MGAT4C: variants seen among roughly 807,000 people sequenced by gnomAD.
The protein encoded by MGAT4C is alpha-1,3-mannosyl-glycoprotein 4-beta-N-acetylglucosaminyltransferase C.
Under a neutral mutation model 40.1 loss-of-function variants are expected in MGAT4C, and 19 were observed. That is an observed-to-expected ratio of 0.47 (90% CI 0.33 to 0.70). The LOEUF is 0.70. Among genes scored for constraint, MGAT4C ranks in the 30% least tolerant of loss-of-function variants. The pLI, the probability that MGAT4C is intolerant of heterozygous loss-of-function variation, is 0.02. For synonymous variants in MGAT4C, 181 were observed against 187.1 expected (o/e 0.97, Z 0.27); for missense variants, 491 against 563.2 (o/e 0.87, Z 1.30).
chr12:86,707,165 G>C (rs1950472952), intron 2 of MGAT4C, among the ~76,000 whole-genome samples: 1 of 152,168 alleles, frequency 6.6e-6, no homozygotes, highest in South Asian at 2.1e-4. Context: ...ATTGGTACCA[G>C]TAAAGTGGGA....
chr12:86,715,547 T>C (rs1950631484), intron 2 of MGAT4C, among the ~76,000 whole-genome samples: 1 of 152,146 alleles, frequency 6.6e-6, no homozygotes, highest in Non-Finnish European at 1.5e-5. Context: ...TGCTCCATGT[T>C]GTGGTTTGTG....
intron 1 of MGAT4C, among the ~76,000 whole-genome samples, chr12:86,053,310 C>A (rs747754403): frequency 6.6e-6 from 1 of 151,582 alleles, no homozygotes; most frequent in Non-Finnish European, 1.5e-5. Context: ...TTGGACACTT[C>A]TAACTTAAAA....
intron 2 of MGAT4C, among the ~76,000 whole-genome samples, chr12:86,720,969 A>G (rs1456424169): frequency 6.6e-6 from 1 of 152,152 alleles, no homozygotes; most frequent in South Asian, 2.1e-4. Context: ...GCCCTTCCTC[A>G]TACTCCCACT....
intron 1 of MGAT4C, among the ~76,000 whole-genome samples, chr12:86,085,586 G>A (rs6539948): frequency 1 from 151,619 of 152,190 alleles, 75,524 homozygotes; most frequent in Middle Eastern, 1. Flanking sequence ...CCATGCTATC[G>A]TCAGAGTGAA....
chr12:86,022,710 AAAAT>A (rs1889873856), intron 2 of MGAT4C, among the ~76,000 whole-genome samples: 1 of 152,170 alleles, frequency 6.6e-6, no homozygotes, highest in Non-Finnish European at 1.5e-5. Context: ...CCCTGTCTCT[AAAAT>A]AAAATAAGTC....
intron 1 of MGAT4C, among the ~76,000 whole-genome samples, chr12:86,236,791 CAG>C (rs1407295197): frequency 6.6e-6 from 1 of 151,760 alleles, no homozygotes; most frequent in African/African-American, 2.4e-5. Flanking sequence ...CTAGAGGTAA[CAG>C]AAATAATTTA....
chr12:86,075,553 G>C (rs1390665659), intron 1 of MGAT4C, among the ~76,000 whole-genome samples: 1 of 152,152 alleles, frequency 6.6e-6, no homozygotes, highest in Non-Finnish European at 1.5e-5. Flanking sequence ...GACTCTGTGT[G>C]GGGGCTCTGA....
chr12:86,238,339 A>C (rs1437011134), intron 1 of MGAT4C, among the ~76,000 whole-genome samples: 1 of 152,018 alleles, frequency 6.6e-6, no homozygotes, highest in Non-Finnish European at 1.5e-5. Context: ...ACCATATTTT[A>C]TTTTAATCAT....
At chr12:86,827,584 A>G (rs1033698418) in intron 1 of MGAT4C, among the ~76,000 whole-genome samples, 2 of 151,418 alleles carry the variant, frequency 1.3e-5, no homozygotes, top group African/African-American at 4.8e-5. Flanking sequence ...AAAGCAAACA[A>G]TGACACTTAG....
At chr12:86,447,075 T>C (rs769368518) in intron 2 of MGAT4C, among the ~76,000 whole-genome samples, 8 of 151,994 alleles carry the variant, frequency 5.3e-5, no homozygotes, top group Non-Finnish European at 1.0e-4. Flanking sequence ...AGGAACAGTG[T>C]CCTAAATGAG....
chr12:86,004,834 G>A (rs1441837091), intron 2 of MGAT4C, among the ~76,000 whole-genome samples: 1 of 152,068 alleles, frequency 6.6e-6, no homozygotes, highest in African/African-American at 2.4e-5. Flanking sequence ...TTTTTCAGTT[G>A]CCATGGGTTC....
chr12:86,173,705 T>A (rs920248462), intron 1 of MGAT4C, among the ~76,000 whole-genome samples: 9 of 152,134 alleles, frequency 5.9e-5, no homozygotes, highest in African/African-American at 2.2e-4. Flanking sequence ...AAATTTTACA[T>A]AAATGTATGT....
chr12:86,073,722 T>A (rs1187848488), intron 1 of MGAT4C, among the ~76,000 whole-genome samples: 1 of 152,166 alleles, frequency 6.6e-6, no homozygotes. Flanking sequence ...AACAGCTGCA[T>A]TTACCCAATA....
At chr12:86,683,002 A>G (rs1157777799) in intron 2 of MGAT4C, among the ~76,000 whole-genome samples, 1 of 152,186 alleles carries the variant, frequency 6.6e-6, no homozygotes, top group Non-Finnish European at 1.5e-5. Context: ...AGTGACAGAT[A>G]TTTCACTGGA....
chr12:86,220,235 C>A (rs905769470), intron 1 of MGAT4C, among the ~76,000 whole-genome samples: 4 of 151,970 alleles, frequency 2.6e-5, no homozygotes, highest in Non-Finnish European at 1.5e-5. Flanking sequence ...GGCAGCTTTC[C>A]CAAGATCATG....
rs532578721 is a variant in MGAT4C at position 86,473,887 on chromosome 12, G to C, written c.-228-38622C>G. Among the ~76,000 whole-genome samples, 500 of 152,164 alleles carry C rather than the reference G, an allele frequency of 3.3e-3. 2 individuals are homozygous for C. Among genetic ancestry groups the C allele is most frequent in the African/African-American group, 0.012 (483 of 41,504 alleles). ...ATGAGGGTTCACAAAATCTGACTATGGAGAATTTGCATGATAGGGTTCACT... is the reference window on the plus strand; with the variant it reads ...ATGAGGGTTCACAAAATCTGACTATCGAGAATTTGCATGATAGGGTTCACT... On this transcript the variant is annotated intron_variant, in intron 2 of 7. Coordinates refer to the MGAT4C transcript ENST00000548651.
At chr12:86,502,306 G>A (rs1328200333) in intron 2 of MGAT4C, among the ~76,000 whole-genome samples, 1 of 151,954 alleles carries the variant, frequency 6.6e-6, no homozygotes, top group African/African-American at 2.4e-5. Flanking sequence ...CAAAACTATG[G>A]AGACGGAAAA....
chr12:86,024,578 C>T (rs920530085), intron 2 of MGAT4C, among the ~76,000 whole-genome samples: 1 of 151,742 alleles, frequency 6.6e-6, no homozygotes, highest in South Asian at 2.1e-4. Context: ...TCTGAATTGA[C>T]AAATCAGGCC....
intron 1 of MGAT4C, among the ~76,000 whole-genome samples, chr12:86,253,281 G>A (rs564323099): frequency 2.0e-5 from 3 of 151,782 alleles, no homozygotes; most frequent in East Asian, 1.9e-4. Context: ...TGCCTGGCAC[G>A]AAGTAGATAC....
Sources: allele counts gnomAD v4.1 joint callset (sites outside exome capture counted in the v4.1 genomes callset), GRCh38; gene constraint gnomAD v4.1.1; transcripts MANE v1.5; gene names NCBI Gene and HGNC (gene_info 2026-07-23, HGNC 2026-07-21).